The following NDUFAF2 variants were observed in gnomAD, a reference collection of about 807,000 sequenced individuals.
NDUFAF2 encodes NADH:ubiquinone oxidoreductase complex assembly factor 2, also known as NADH dehydrogenase [ubiquinone] 1 alpha subcomplex assembly factor 2.
In NDUFAF2, 13 loss-of-function variants were observed where a neutral mutation model predicts 22.8. That is an observed-to-expected ratio of 0.57 (90% CI 0.37 to 0.91). NDUFAF2 has a LOEUF of 0.91. Among genes scored for constraint, NDUFAF2 ranks in the 40% least tolerant of loss-of-function variants. The pLI, the probability that NDUFAF2 is intolerant of heterozygous loss-of-function variation, is 0.01. For missense variants in NDUFAF2, 162 were observed against 195.2 expected (o/e 0.83, Z 1.01); for synonymous variants, 53 against 64.2 (o/e 0.83, Z 0.84).
At chr5:61,082,921 T>G (rs1314357574) in intron 2 of NDUFAF2, among the ~76,000 whole-genome samples, 1 of 152,144 alleles carries the variant, frequency 6.6e-6, no homozygotes, top group Non-Finnish European at 1.5e-5. Flanking sequence ...GATAGTTCTA[T>G]TTTTATTAGT....
At chr5:61,053,041 A>G (rs1752045218) in intron 1 of NDUFAF2, among the ~76,000 whole-genome samples, 1 of 152,212 alleles carries the variant, frequency 6.6e-6, no homozygotes, top group Non-Finnish European at 1.5e-5. Context: ...CTTCATTGGC[A>G]TGAGCCATAA....
chr5:61,089,883 T>C (rs1752546188), intron 2 of NDUFAF2, among the ~76,000 whole-genome samples: 1 of 152,034 alleles, frequency 6.6e-6, no homozygotes, highest in East Asian at 1.9e-4. Context: ...TACTTTGGAA[T>C]TTTTTTAATG....
At chr5:61,024,367 A>C (rs960619107) in intron 1 of NDUFAF2, among the ~76,000 whole-genome samples, 19 of 152,066 alleles carry the variant, frequency 1.2e-4, no homozygotes, top group Non-Finnish European at 2.6e-4. Context: ...AATAAGTCAA[A>C]TGTTTAGTTT....
At position 61,034,912 on chromosome 5, in the gene NDUFAF2, A is replaced by ATATGTGTG. The variant is rs111557328; in HGVS notation, c.128-38212_128-38211insATGTGTGT. Among the ~76,000 whole-genome samples, 878 of 144,974 alleles carry ATATGTGTG rather than the reference A, an allele frequency of 6.1e-3. 7 individuals are homozygous for ATATGTGTG. The highest frequency in any genetic ancestry group is 0.014 in the African/African-American group (531 of 39,244). ...GGTTTTTTTAGGTAGGCAAATATAT[A>ATATGTGTG]TGTGTGTGTGTGTGTGTGTGTGTGT... On this transcript the variant is annotated intron_variant, in intron 1 of 3. Transcript: ENST00000296597.
At chr5:60,946,391 T>TA (rs1301105821) in intron 1 of NDUFAF2, among the ~76,000 whole-genome samples, 1 of 152,230 alleles carries the variant, frequency 6.6e-6, no homozygotes, top group African/African-American at 2.4e-5. Context: ...CCCACACATA[T>TA]AAAATGTATT....
chr5:61,141,902 C>T (rs182950205), intron 3 of NDUFAF2, among the ~76,000 whole-genome samples: 3 of 152,200 alleles, frequency 2.0e-5, no homozygotes, highest in East Asian at 1.9e-4. Flanking sequence ...TCTTTTCCCC[C>T]GACAGCAGCT....
chr5:60,967,010 C>T (rs780771537), intron 1 of NDUFAF2, among the ~76,000 whole-genome samples: 142 of 152,118 alleles, frequency 9.3e-4, no homozygotes, highest in Non-Finnish European at 1.7e-3. Flanking sequence ...GTGTACACTG[C>T]AGTTTCTTTT....
intron 3 of NDUFAF2, among the ~76,000 whole-genome samples, chr5:61,148,843 C>G (rs1219938743): frequency 6.6e-6 from 1 of 152,108 alleles, no homozygotes; most frequent in African/African-American, 2.4e-5. Context: ...ATTTTTAAAT[C>G]AATAATGTTT....
chr5:61,009,551 A>G (rs2112596706), intron 1 of NDUFAF2, among the ~76,000 whole-genome samples: 1 of 152,270 alleles, frequency 6.6e-6, no homozygotes, highest in Middle Eastern at 3.4e-3. Context: ...AAATTTCAAG[A>G]TTCCTTGGAC....
At chr5:60,999,954 A>T (rs1751276015) in intron 1 of NDUFAF2, among the ~76,000 whole-genome samples, 1 of 152,128 alleles carries the variant, frequency 6.6e-6, no homozygotes, top group African/African-American at 2.4e-5. Flanking sequence ...AAAAACTAAC[A>T]ATGTTTAGAA....
At chr5:61,125,447 G>T (rs1352569396) in intron 3 of NDUFAF2, among the ~76,000 whole-genome samples, 1 of 151,876 alleles carries the variant, frequency 6.6e-6, no homozygotes, top group Non-Finnish European at 1.5e-5. Context: ...AAGGGGGAGT[G>T]TTACTTTTTA....
In NDUFAF2 at chr5:61,113,357, T is replaced by A. The variant is rs891737172; in HGVS notation, c.258+14325T>A. 2.0e-5 allele frequency among the ~76,000 whole-genome samples: 3 copies of A among 152,200 alleles called. No individual in the cohort carries two copies. The South Asian group carries it at 6.2e-4, about 31-fold the overall frequency. On this transcript the variant is annotated intron_variant, in intron 3 of 3. Coordinates refer to ENST00000296597, the MANE Select transcript of NDUFAF2 (RefSeq NM_174889.5). ...GGAGAGGTCTGGTGTTGAAATTTCT[T>A]AGCTTTGTTTATTTTGTAAAGTCTT...
chr5:61,001,590 A>G (rs1201112882), intron 1 of NDUFAF2, among the ~76,000 whole-genome samples: 1 of 152,168 alleles, frequency 6.6e-6, no homozygotes, highest in Non-Finnish European at 1.5e-5. Context: ...ATTAGAAATC[A>G]TGTCTCGGAA....
At chr5:61,128,456 G>A (rs1190957160) in intron 3 of NDUFAF2, among the ~76,000 whole-genome samples, 1 of 152,086 alleles carries the variant, frequency 6.6e-6, no homozygotes, top group Admixed American at 6.6e-5. Flanking sequence ...CAGAGATATA[G>A]ACCAACGGAA....
chr5:61,073,267 T>C (rs1752324642), intron 2 of NDUFAF2, 53 bp downstream of exon 2: 5 of 1,270,804 alleles, frequency 3.9e-6, no homozygotes, highest in Non-Finnish European at 5.8e-6. Flanking sequence ...TATAACAGTA[T>C]ACAAATTCAA....
At chr5:61,092,778 G>A (rs1222684058) in intron 2 of NDUFAF2, among the ~76,000 whole-genome samples, 1 of 152,116 alleles carries the variant, frequency 6.6e-6, no homozygotes, top group Non-Finnish European at 1.5e-5. Flanking sequence ...GGGCATCCTT[G>A]TCTTGTGCCA....
At chr5:61,107,001 C>T (rs1752772466) in intron 3 of NDUFAF2, among the ~76,000 whole-genome samples, 1 of 143,278 alleles carries the variant, frequency 7.0e-6, no homozygotes, top group Admixed American at 7.3e-5. Flanking sequence ...CATGGGAGTA[C>T]AGGTATCTCT....
intron 1 of NDUFAF2, among the ~76,000 whole-genome samples, chr5:61,003,336 A>C (rs1431590679): frequency 6.6e-6 from 1 of 152,068 alleles, no homozygotes; most frequent in Non-Finnish European, 1.5e-5. Context: ...ATATTGTCTC[A>C]AGTTTTGTTG....
chr5:60,988,890 C>T (rs993325333), intron 1 of NDUFAF2, among the ~76,000 whole-genome samples: 1 of 152,038 alleles, frequency 6.6e-6, no homozygotes, highest in Non-Finnish European at 1.5e-5. Flanking sequence ...GACAAAGACA[C>T]CAAAAGCAAT....
Sources: gnomAD v4.1 joint callset for allele counts (sites outside exome capture counted in the v4.1 genomes callset) on GRCh38, gnomAD v4.1.1 for gene constraint, MANE v1.5 for transcripts, NCBI Gene and HGNC (gene_info 2026-07-23, HGNC 2026-07-21) for gene names.